Variants in PARD3 observed in about 807,000 individuals in gnomAD.
The protein encoded by PARD3 is par-3 family cell polarity regulator.
A neutral mutation model predicts 155.4 loss-of-function variants in PARD3; 75 were observed. The observed-to-expected ratio is 0.48, with a 90% CI of 0.40 to 0.58. PARD3 has a LOEUF of 0.58. Among genes scored for constraint, PARD3 ranks in the 20% least tolerant of loss-of-function variants. The pLI is 0.00. For missense variants in PARD3, 1,642 were observed against 1,721.7 expected (o/e 0.95, Z 0.82); for synonymous variants, 576 against 610.5 (o/e 0.94, Z 0.83).
chr10:34,175,809 T>G (rs1468331967), intron 22 of PARD3, among the ~76,000 whole-genome samples: 1 of 152,218 alleles, frequency 6.6e-6, no homozygotes, highest in East Asian at 1.9e-4. Flanking sequence ...TAAAATTATA[T>G]GAACAATTTA....
intron 5 of PARD3, among the ~76,000 whole-genome samples, chr10:34,424,793 G>A (rs1332543822): frequency 1.3e-5 from 2 of 152,112 alleles, no homozygotes; most frequent in African/African-American, 4.8e-5. Flanking sequence ...GGGATTACAG[G>A]GGTGAGCCAC....
At chr10:34,637,795 A>C (rs182035072) in intron 2 of PARD3, among the ~76,000 whole-genome samples, 1 of 152,224 alleles carries the variant, frequency 6.6e-6, no homozygotes, top group Non-Finnish European at 1.5e-5. Flanking sequence ...AGAAACAAAA[A>C]CAGAAGTGAA....
intron 22 of PARD3, among the ~76,000 whole-genome samples, chr10:34,134,037 G>A (rs950788177): frequency 1.3e-5 from 2 of 152,220 alleles, no homozygotes; most frequent in East Asian, 1.9e-4. Flanking sequence ...GCTGCTTGAC[G>A]ACACAAGGCT....
intron 2 of PARD3, among the ~76,000 whole-genome samples, chr10:34,596,661 G>A (rs2089290534): frequency 6.6e-6 from 1 of 152,046 alleles, no homozygotes; most frequent in South Asian, 2.1e-4. Context: ...AACTCAAGAT[G>A]AGATATGGGT....
At chr10:34,346,521 C>G in intron 15 of PARD3, 1 of 1,312,706 alleles carries the variant, frequency 7.6e-7, no homozygotes, top group Non-Finnish European at 1.0e-6. Flanking sequence ...CACACTCTCT[C>G]TCTCTCAAGG....
chr10:34,475,915 G>A (rs546899601), intron 3 of PARD3, among the ~76,000 whole-genome samples: 9 of 152,128 alleles, frequency 5.9e-5, no homozygotes, highest in South Asian at 2.1e-4. Context: ...TTTTCTGTCC[G>A]TATTTCAAAT....
intron 7 of PARD3, among the ~76,000 whole-genome samples, chr10:34,390,101 A>G (rs1460585852): frequency 2.0e-5 from 3 of 152,168 alleles, no homozygotes; most frequent in African/African-American, 7.2e-5. Flanking sequence ...ATAAAGTTAA[A>G]TTGCGTTTTT....
intron 2 of PARD3, among the ~76,000 whole-genome samples, chr10:34,547,852 A>G (rs1332938174): frequency 1.3e-5 from 2 of 152,258 alleles, no homozygotes; most frequent in Admixed American, 1.3e-4. Context: ...CTACGTGTTG[A>G]TAACTACTGA....
At chr10:34,215,044 C>T (rs1328564760) in intron 22 of PARD3, among the ~76,000 whole-genome samples, 8 of 152,192 alleles carry the variant, frequency 5.3e-5, no homozygotes, top group African/African-American at 1.9e-4. Context: ...GGGCATCTTG[C>T]ATCAATCCTG....
intron 12 of PARD3, among the ~76,000 whole-genome samples, chr10:34,370,164 A>G (rs1030489356): frequency 4.6e-5 from 7 of 152,282 alleles, no homozygotes; most frequent in Admixed American, 3.9e-4. Flanking sequence ...AAACTAAACT[A>G]TACTTTTAAC....
At chr10:34,497,911 C>T (rs2133388969) in intron 3 of PARD3, among the ~76,000 whole-genome samples, 1 of 152,196 alleles carries the variant, frequency 6.6e-6, no homozygotes, top group Non-Finnish European at 1.5e-5. Flanking sequence ...AAAACAGTTG[C>T]ATTTTACCCA....
intron 2 of PARD3, among the ~76,000 whole-genome samples, chr10:34,544,023 T>C (rs562209767): frequency 7.2e-5 from 11 of 152,320 alleles, no homozygotes; most frequent in Admixed American, 2.0e-4. Context: ...CAAGACTTGG[T>C]TGACAATTCT....
chr10:34,515,793 TTATC>T (rs756617947), intron 3 of PARD3, among the ~76,000 whole-genome samples: 1 of 152,020 alleles, frequency 6.6e-6, no homozygotes, highest in Non-Finnish European at 1.5e-5. Context: ...ATTCTAAATA[TTATC>T]TACCTATATT....
Position 34,373,826 on chromosome 10 carries a change from T to C in PARD3, c.1668+1048A>G, listed in dbSNP as rs114862896. 5.0e-3 allele frequency among the ~76,000 whole-genome samples: 762 copies of C among 151,946 alleles called. 3 individuals are homozygous for C. Among genetic ancestry groups the C allele is most frequent in the African/African-American group, 0.018 (727 of 41,514 alleles). Reference sequence around the variant, plus strand: ...GGGATAAGATATTATGACTAAAATTTTTTCATTTATAATATTTATAGAAAT... The same window carrying C: ...GGGATAAGATATTATGACTAAAATTCTTTCATTTATAATATTTATAGAAAT... On this transcript the variant is annotated intron_variant, in intron 11 of 24. Transcript: ENST00000374788.
chr10:34,256,124 C>T (rs372727791), intron 22 of PARD3, among the ~76,000 whole-genome samples: 2 of 152,196 alleles, frequency 1.3e-5, no homozygotes, highest in Non-Finnish European at 2.9e-5. Flanking sequence ...CTTTAAAGTT[C>T]GGAATATCAT....
At chr10:34,522,419 G>A (rs1026296288) in intron 2 of PARD3, among the ~76,000 whole-genome samples, 6 of 152,164 alleles carry the variant, frequency 3.9e-5, no homozygotes, top group African/African-American at 1.4e-4. Flanking sequence ...TAATGAATTT[G>A]CATTGTTTTC....
chr10:34,347,975 A>T lies in PARD3; in HGVS notation c.2208T>A (p.Ser736Arg), dbSNP rs371302369. Residue 736 changes from serine to arginine, a missense_variant, in exon 15 of 25, where the codon AGT (serine) becomes AGA (arginine). By Grantham distance (110) the Ser-to-Arg change is moderately radical. Around this residue, in one of 3 missense-constraint regions of PARD3, gnomAD observed 1,529 missense variants for 1,587.3 expected, o/e 0.96. Transcript: ENST00000374788. ...DESPSRNAALSRIMGKYQLSP... is the reference protein window; with the variant it reads ...DESPSRNAALRRIMGKYQLSP... ...TTTTACCTGACTCACCCATTATCCTACTGAGGGCAGCATTTCTGCTGGGCG... is the reference window on the plus strand; with the variant it reads ...TTTTACCTGACTCACCCATTATCCTTCTGAGGGCAGCATTTCTGCTGGGCG... 1.6e-5 allele frequency: 26 copies of T among 1,612,216 alleles called. No individual in the cohort carries two copies. The highest frequency in any genetic ancestry group is 2.2e-5 in the Non-Finnish European group (26 of 1,179,222).
intron 1 of PARD3, among the ~76,000 whole-genome samples, chr10:34,702,068 G>A (rs1181542147): frequency 2.6e-5 from 4 of 152,056 alleles, no homozygotes; most frequent in South Asian, 4.1e-4. Flanking sequence ...AGGAGGCTGA[G>A]GCAGGAGAAT....
chr10:34,173,953 T>C (rs138377863), intron 22 of PARD3, among the ~76,000 whole-genome samples: 4 of 152,236 alleles, frequency 2.6e-5, no homozygotes, highest in African/African-American at 7.2e-5. Flanking sequence ...AGGCCCTAGG[T>C]CCCTATCACC....
Sources: gnomAD v4.1 joint callset for allele counts (sites outside exome capture counted in the v4.1 genomes callset) on GRCh38, gnomAD v4.1.1 for gene constraint, gnomAD v4.1.1 regional missense constraint, MANE v1.5 for transcripts, NCBI Gene and HGNC (gene_info 2026-07-23, HGNC 2026-07-21) for gene names.